PATJ: variants seen among roughly 807,000 people sequenced by gnomAD.
PATJ encodes the protein PATJ crumbs cell polarity complex component, also known as inaD-like protein.
In PATJ, 190 loss-of-function variants were observed where a neutral mutation model predicts 224.9. The ratio of observed to expected loss-of-function variants is 0.84; its 90% CI spans 0.75 to 0.95. The LOEUF (loss-of-function observed/expected upper bound fraction) is 0.95, where lower values mean the gene tolerates loss of function less well. Ranked by LOEUF, PATJ falls within the 40% of genes least tolerant of loss-of-function variation. PATJ has a pLI of 0.00. For synonymous variants in PATJ, 769 were observed against 820.3 expected (o/e 0.94, Z 1.07); for missense variants, 2,121 against 2,270.3 (o/e 0.93, Z 1.34).
At chr1:61,822,851 G>A in intron 14 of PATJ, 94 bp from the exon 15 acceptor site, 1 of 1,409,060 alleles carries the variant, frequency 7.1e-7, no homozygotes. Flanking sequence ...AATTCAAGAG[G>A]TGGGGTTTTT....
intron 19 of PATJ, among the ~76,000 whole-genome samples, chr1:61,862,588 T>C (rs1220637949): frequency 6.6e-6 from 1 of 152,190 alleles, no homozygotes; most frequent in African/African-American, 2.4e-5. Context: ...AGAACAAACA[T>C]ACACTAATGT....
chr1:62,104,143 G>C (rs1414568447), intron 33 of PATJ, among the ~76,000 whole-genome samples: 1 of 152,024 alleles, frequency 6.6e-6, no homozygotes, highest in Admixed American at 6.6e-5. Flanking sequence ...AAGGGAGGGC[G>C]GGTAGGGGAG....
At chr1:62,005,157 G>C (rs7521443) in intron 28 of PATJ, among the ~76,000 whole-genome samples, 2 of 149,900 alleles carry the variant, frequency 1.3e-5, no homozygotes, top group African/African-American at 4.9e-5. Context: ...TTTTTTTTGA[G>C]ACATAGTTTC....
chr1:61,781,131 C>T (rs887891365), intron 7 of PATJ, among the ~76,000 whole-genome samples: 8 of 152,268 alleles, frequency 5.3e-5, no homozygotes, highest in East Asian at 1.9e-4. Flanking sequence ...GGATTGAGCC[C>T]GTACCTGTTT....
At chr1:61,834,364 T>C (rs1349200767) in intron 17 of PATJ, among the ~76,000 whole-genome samples, 1 of 152,232 alleles carries the variant, frequency 6.6e-6, no homozygotes, top group Admixed American at 6.5e-5. Context: ...TTTATGTTAA[T>C]ACATAATATC....
At chr1:62,069,567 T>A (rs1657051017) in intron 31 of PATJ, among the ~76,000 whole-genome samples, 1 of 152,170 alleles carries the variant, frequency 6.6e-6, no homozygotes, top group Non-Finnish European at 1.5e-5. Context: ...AATGAGACAG[T>A]GCGTCAGACC....
chr1:62,103,719 A>C (rs1279870882), intron 33 of PATJ, among the ~76,000 whole-genome samples: 1 of 150,416 alleles, frequency 6.6e-6, no homozygotes, highest in African/African-American at 2.5e-5. Context: ...GCACCATTGC[A>C]CTCCAGCCTG....
intron 5 of PATJ, among the ~76,000 whole-genome samples, chr1:61,770,242 T>G (rs979153878): frequency 5.3e-5 from 8 of 152,194 alleles, no homozygotes; most frequent in African/African-American, 1.9e-4. Flanking sequence ...CAGCATTTCT[T>G]CAAGAACTGT....
At chr1:62,027,103 T>C (rs1057207678) in intron 29 of PATJ, among the ~76,000 whole-genome samples, 2 of 152,234 alleles carry the variant, frequency 1.3e-5, no homozygotes, top group African/African-American at 4.8e-5. Flanking sequence ...TGAATCTCTG[T>C]ATACATTAAA....
chr1:62,004,977 C>T (rs1646002838), intron 28 of PATJ, among the ~76,000 whole-genome samples: 1 of 152,156 alleles, frequency 6.6e-6, no homozygotes, highest in African/African-American at 2.4e-5. Flanking sequence ...AATGCATCTA[C>T]ATCTGTATCA....
chr1:61,936,617 G>A (rs1012116610), intron 27 of PATJ, among the ~76,000 whole-genome samples: 1 of 152,190 alleles, frequency 6.6e-6, no homozygotes, highest in African/African-American at 2.4e-5. Flanking sequence ...TGTCACCCAG[G>A]CTGGAGTGCA....
chr1:61,977,368 G>T (rs1644196087), intron 27 of PATJ, among the ~76,000 whole-genome samples: 1 of 152,114 alleles, frequency 6.6e-6, no homozygotes, highest in Non-Finnish European at 1.5e-5. Flanking sequence ...GGGATTACAG[G>T]CGTGAGCCAC....
At chr1:61,906,942 TC>T (rs965392965) in intron 24 of PATJ, among the ~76,000 whole-genome samples, 2 of 152,134 alleles carry the variant, frequency 1.3e-5, no homozygotes, top group African/African-American at 4.8e-5. Flanking sequence ...GTTCCCAAAA[TC>T]CCCATATGTC....
chr1:61,882,047 G>T (rs1217099534), intron 21 of PATJ, among the ~76,000 whole-genome samples: 2 of 152,168 alleles, frequency 1.3e-5, no homozygotes, highest in Non-Finnish European at 2.9e-5. Flanking sequence ...AGAAATATTT[G>T]CTAGTGCTTT....
At chr1:61,910,411 C>T (rs1345185850) in intron 25 of PATJ, among the ~76,000 whole-genome samples, 1 of 151,984 alleles carries the variant, frequency 6.6e-6, no homozygotes, top group East Asian at 1.9e-4. Context: ...CCACATTGTA[C>T]ATTCAGTTCA....
chr1:61,786,005 A>G (rs1247016421), intron 7 of PATJ, among the ~76,000 whole-genome samples: 2 of 152,096 alleles, frequency 1.3e-5, no homozygotes, highest in Non-Finnish European at 2.9e-5. Flanking sequence ...CTCATCTGGA[A>G]TCTTGACTTA....
chr1:61,780,983 G>C (rs941213515), intron 7 of PATJ, among the ~76,000 whole-genome samples: 1 of 152,180 alleles, frequency 6.6e-6, no homozygotes, highest in African/African-American at 2.4e-5. Context: ...ACTTACGCCA[G>C]ACATTGTTAT....
Position 61,856,067 on chromosome 1 carries a change from G to A in PATJ, c.2150G>A (p.Arg717His), listed in dbSNP as rs751067236. The A allele has an allele frequency of 2.2e-5, 35 of 1,613,854 alleles. No homozygotes were observed. The South Asian group carries it at 3.1e-4, about 14-fold the overall frequency. Residue 717 changes from arginine (R) to histidine (H), a missense_variant, in exon 18 of 44, where the codon CGC (arginine) becomes CAC (histidine). Transcript: ENST00000642238. The stretch of plus-strand genomic sequence containing the variant: ...CCTACAAGATCAGTGATTGTGATCC[G>A]CTCCCTGGTAGCAGATGGTGTAGCA... Reference protein sequence around the residue: ...LDPTRSVIVIRSLVADGVAER... With the variant: ...LDPTRSVIVIHSLVADGVAER...
chr1:61,845,120 TA>T (rs1156787948), intron 17 of PATJ, among the ~76,000 whole-genome samples: 13 of 152,168 alleles, frequency 8.5e-5, no homozygotes, highest in African/African-American at 1.4e-4. Flanking sequence ...ACGTATTCCT[TA>T]TAGATAAGGG....
Sources: allele counts gnomAD v4.1 joint callset (sites outside exome capture counted in the v4.1 genomes callset), GRCh38; gene constraint gnomAD v4.1.1; transcripts MANE v1.5; gene names NCBI Gene and HGNC (gene_info 2026-07-23, HGNC 2026-07-21).